The following PCDH7 variants were observed in gnomAD, a reference collection of about 807,000 sequenced individuals.
PCDH7 encodes protocadherin 7.
Under a neutral mutation model 58.9 loss-of-function variants are expected in PCDH7, and 17 were observed. The observed-to-expected ratio is 0.29, with a 90% CI of 0.20 to 0.43. The LOEUF (loss-of-function observed/expected upper bound fraction) is 0.43. Among genes scored for constraint, PCDH7 ranks in the 20% least tolerant of loss-of-function variants. The pLI is 1.00. For missense variants in PCDH7, 1,274 were observed against 1,441.0 expected, an observed-to-expected ratio of 0.88 and a Z score of 1.88; for synonymous variants, 664 against 616.4, an observed-to-expected ratio of 1.08 and a Z score of -1.14.
At chr4:30,887,170 C>G (rs1737938621) in intron 1 of PCDH7, among the ~76,000 whole-genome samples, 1 of 152,062 alleles carries the variant, frequency 6.6e-6, no homozygotes, top group Non-Finnish European at 1.5e-5. Flanking sequence ...CAATCTTGTT[C>G]TTGGCAAACA....
intron 1 of PCDH7, among the ~76,000 whole-genome samples, chr4:30,814,279 G>A: frequency 6.6e-6 from 1 of 151,816 alleles, no homozygotes. Flanking sequence ...ATTGAAGAAA[G>A]CAAATAACAT....
chr4:30,826,154 A>G (rs1729067588), intron 1 of PCDH7, among the ~76,000 whole-genome samples: 1 of 152,116 alleles, frequency 6.6e-6, no homozygotes, highest in Non-Finnish European at 1.5e-5. Flanking sequence ...CCATTCGATA[A>G]CCTCATTAAA....
At chr4:30,788,355 C>A (rs1723681813) in intron 1 of PCDH7, among the ~76,000 whole-genome samples, 1 of 151,986 alleles carries the variant, frequency 6.6e-6, no homozygotes, top group Non-Finnish European at 1.5e-5. Context: ...GTACTCGTTT[C>A]TTTTTATCTT....
At chr4:30,764,535 T>A (rs1720445711) in intron 1 of PCDH7, among the ~76,000 whole-genome samples, 1 of 152,184 alleles carries the variant, frequency 6.6e-6, no homozygotes, top group Admixed American at 6.5e-5. Flanking sequence ...CATGTGAAAA[T>A]AAATGTTACT....
intron 3 of PCDH7, among the ~76,000 whole-genome samples, chr4:31,059,001 T>C (rs903600580): frequency 1.3e-5 from 2 of 151,994 alleles, no homozygotes; most frequent in Non-Finnish European, 2.9e-5. Flanking sequence ...ATTCAATACT[T>C]AAGAGAAATT....
intron 1 of PCDH7, among the ~76,000 whole-genome samples, chr4:30,752,180 C>T (rs1718615934): frequency 6.6e-6 from 1 of 151,924 alleles, no homozygotes; most frequent in South Asian, 2.1e-4. Flanking sequence ...CGCACCCAGG[C>T]TGGAGTGCAG....
chr4:30,797,244 C>CTTTGT (rs1030338779), intron 1 of PCDH7, among the ~76,000 whole-genome samples: 3 of 150,454 alleles, frequency 2.0e-5, no homozygotes, highest in African/African-American at 7.3e-5. Context: ...CCACTTCCTA[C>CTTTGT]TTTGTTTTGT....
At chr4:30,861,886 C>A (rs1014093986) in intron 1 of PCDH7, among the ~76,000 whole-genome samples, 1 of 151,958 alleles carries the variant, frequency 6.6e-6, no homozygotes, top group African/African-American at 2.4e-5. Context: ...GACTTTGTTC[C>A]CCCCAGGTTA....
chr4:31,082,915 T>C (rs1364741238), intron 3 of PCDH7, among the ~76,000 whole-genome samples: 4 of 152,124 alleles, frequency 2.6e-5, no homozygotes, highest in South Asian at 2.1e-4. Context: ...GAGACCATCC[T>C]GGCTAACATG....
chr4:30,754,510 A>T (rs1331568990), intron 1 of PCDH7, among the ~76,000 whole-genome samples: 1 of 152,166 alleles, frequency 6.6e-6, no homozygotes, highest in Non-Finnish European at 1.5e-5. Flanking sequence ...CCTTAATGTG[A>T]ATTAAATTCA....
At chr4:30,819,679 T>A (rs895077478) in intron 1 of PCDH7, among the ~76,000 whole-genome samples, 7 of 152,182 alleles carry the variant, frequency 4.6e-5, no homozygotes, top group Non-Finnish European at 1.0e-4. Context: ...GTTTAGTGGA[T>A]TTTGCTCAGA....
At chr4:31,014,419 A>G (rs939743000) in intron 3 of PCDH7, among the ~76,000 whole-genome samples, 2 of 152,170 alleles carry the variant, frequency 1.3e-5, no homozygotes, top group Admixed American at 6.5e-5. Flanking sequence ...CATGACACCA[A>G]TTGAGATTTT....
chr4:30,984,434 C>A (rs142023154), intron 3 of PCDH7, among the ~76,000 whole-genome samples: 1 of 152,288 alleles, frequency 6.6e-6, no homozygotes, highest in African/African-American at 2.4e-5. Context: ...TCCTTGGGAA[C>A]GTTTTCTCCC....
intron 3 of PCDH7, among the ~76,000 whole-genome samples, chr4:30,988,935 A>C (rs575143803): frequency 6.6e-6 from 1 of 152,198 alleles, no homozygotes; most frequent in Non-Finnish European, 1.5e-5. Context: ...GATTTTTAGA[A>C]AAACTGACAG....
chr4:30,970,350 A>G (rs1749444746), intron 3 of PCDH7, among the ~76,000 whole-genome samples: 1 of 151,112 alleles, frequency 6.6e-6, no homozygotes. Flanking sequence ...GCTGGAGTGC[A>G]GTGGCACGAT....
chr4:31,103,821 C>T (rs1328065035), intron 3 of PCDH7, among the ~76,000 whole-genome samples: 2 of 152,188 alleles, frequency 1.3e-5, no homozygotes, highest in African/African-American at 2.4e-5. Context: ...CCATTTTTCA[C>T]TTAAAGGGTG....
chr4:31,092,321 G>A (rs1214971463), intron 3 of PCDH7, among the ~76,000 whole-genome samples: 4 of 151,916 alleles, frequency 2.6e-5, no homozygotes, highest in Non-Finnish European at 5.9e-5. Flanking sequence ...GATAGACGTT[G>A]GGGAAGGAAA....
chr4:30,923,635 A>C (rs1032523457), intron 2 of PCDH7, among the ~76,000 whole-genome samples: 1 of 152,178 alleles, frequency 6.6e-6, no homozygotes, highest in Non-Finnish European at 1.5e-5. Flanking sequence ...TAAAGTTCCA[A>C]ATCTGTAGAA....
intron 2 of PCDH7, among the ~76,000 whole-genome samples, chr4:30,945,069 A>G (rs1746504740): frequency 6.6e-6 from 1 of 152,156 alleles, no homozygotes; most frequent in Admixed American, 6.5e-5. Flanking sequence ...AGTTATGGAA[A>G]GCAACATTCT....
Sources: allele counts gnomAD v4.1 joint callset (sites outside exome capture counted in the v4.1 genomes callset), GRCh38; gene constraint gnomAD v4.1.1; transcripts MANE v1.5; gene names NCBI Gene and HGNC (gene_info 2026-07-23, HGNC 2026-07-21).